Variants in RASA3 observed in about 807,000 individuals in gnomAD.
The protein encoded by RASA3 is RAS p21 protein activator 3.
A neutral mutation model predicts 110.0 loss-of-function variants in RASA3; 73 were observed. The ratio of observed to expected loss-of-function variants is 0.66; its 90% confidence interval spans 0.55 to 0.81. RASA3 has a LOEUF of 0.81. RASA3 is among the 30% of genes least tolerant of loss of function. The pLI is 0.00. For missense variants in RASA3, 976 were observed against 1,113.2 expected (o/e 0.88, Z 1.75); for synonymous variants, 500 against 451.4 (o/e 1.11, Z -1.37).
chr13:114,132,399 G>T lies in RASA3; in HGVS notation c.55+36C>A, dbSNP rs1450987580. 10 of 1,486,848 alleles carry T rather than the reference G, an allele frequency of 6.7e-6. No homozygotes were observed. The African/African-American group carries it at 1.2e-4, about 17-fold the overall frequency. The allele number at this position is 1,486,848 out of a possible 1,614,324, so 92.1% of individuals were successfully genotyped here. On this transcript the variant is annotated intron_variant, in intron 1 of 23. Coordinates refer to ENST00000334062, the MANE Select transcript of RASA3 (RefSeq NM_007368.4). ...GCGCGGGAGAGGACAGGGTCGGGCCGGGGGGTCGGACGCGTGGCTGCCGGC... is the reference window on the plus strand; with the variant it reads ...GCGCGGGAGAGGACAGGGTCGGGCCTGGGGGTCGGACGCGTGGCTGCCGGC...
chr13:114,061,320 G>A (rs1343072570), intron 2 of RASA3, among the ~76,000 whole-genome samples: 1 of 152,016 alleles, frequency 6.6e-6, no homozygotes, highest in Non-Finnish European at 1.5e-5. Flanking sequence ...TTTCCTCTTA[G>A]AACCGCAAAC....
intron 14 of RASA3, 65 bp from the exon 15 acceptor site, chr13:114,013,313 C>A: frequency 8.0e-7 from 1 of 1,249,782 alleles, no homozygotes; most frequent in Non-Finnish European, 1.1e-6. Context: ...GGACACCATG[C>A]CCCGGCCCCC....
intron 2 of RASA3, among the ~76,000 whole-genome samples, chr13:114,068,836 G>A (rs892938206): frequency 3.3e-5 from 5 of 152,204 alleles, no homozygotes; most frequent in African/African-American, 1.2e-4. Flanking sequence ...TCACTTCCTT[G>A]GAGAAGGGCC....
chr13:114,017,227 C>T lies in RASA3; in HGVS notation c.1206+10G>A. Reference sequence around the variant, plus strand: ...CTCGTGAGGCTGAGGACTCTCGGCCCCGTGCTCACCTCCTCGATGGCGGGC... The same window carrying T: ...CTCGTGAGGCTGAGGACTCTCGGCCTCGTGCTCACCTCCTCGATGGCGGGC... On this transcript the variant is annotated intron_variant, in intron 12 of 23. Transcript: ENST00000334062. 1 of 1,609,656 alleles carries T rather than the reference C, an allele frequency of 6.2e-7. No homozygotes were observed. Among genetic ancestry groups the T allele is most frequent in the African/African-American group, 1.3e-5 (1 of 74,960 alleles).
At chr13:114,032,520 C>T (rs997029138) in intron 4 of RASA3, among the ~76,000 whole-genome samples, 5 of 152,110 alleles carry the variant, frequency 3.3e-5, no homozygotes, top group Non-Finnish European at 5.9e-5. Flanking sequence ...GGGTCGTGGG[C>T]GCAGCCTGCC....
rs375632568 is a variant in RASA3 at position 114,115,248 on chromosome 13, G to C, written c.55+17187C>G. Among the ~76,000 whole-genome samples, 25 of 152,342 alleles carry C rather than the reference G, an allele frequency of 1.6e-4. No individual in the cohort carries two copies. The highest frequency in any genetic ancestry group is 6.0e-4 in the African/African-American group (25 of 41,564). ...ACATGTTTACGGTCCCTGTGCCGCC[G>C]TGCGGTAGCAGTTTTCCCGAGTGTC... On this transcript the variant is annotated intron_variant, in intron 1 of 23. Coordinates refer to ENST00000334062, the MANE Select transcript of RASA3 (RefSeq NM_007368.4). This position sits in a 1 kb window ranked among gnomAD's most constrained non-coding sequence, Gnocchi z 5.0.
rs577231065 is a variant in RASA3 at position 114,043,366 on chromosome 13, G to A, written c.278-2272C>T. Among the ~76,000 whole-genome samples the A allele has an allele frequency of 3.3e-5, 5 of 152,256 alleles. No individual in the cohort carries two copies. The South Asian group carries it at 1.0e-3, about 32-fold the overall frequency. The stretch of plus-strand genomic sequence containing the variant: ...ATGCACGTCAGCATCTTCATCTGAT[G>A]TCCTCAGGGGAGCCGGCTGCACCTC... On this transcript the variant is annotated intron_variant, in intron 3 of 23. Coordinates refer to ENST00000334062, the MANE Select transcript of RASA3 (RefSeq NM_007368.4).
At chr13:114,092,336 T>TTTTGCATAAC (rs2079898482) in intron 1 of RASA3, among the ~76,000 whole-genome samples, 1 of 152,212 alleles carries the variant, frequency 6.6e-6, no homozygotes, top group Non-Finnish European at 1.5e-5. Flanking sequence ...GCTTTTGCTG[T>TTTTGCATAAC]ATCCCATAGG....
chr13:114,038,077 TA>T (rs541898809), intron 4 of RASA3, among the ~76,000 whole-genome samples: 20,300 of 116,534 alleles, frequency 0.17, 1,668 homozygotes, highest in Middle Eastern at 0.27. Flanking sequence ...ATTAAATCAG[TA>T]AAAAAAAAAA....
At chr13:114,104,320 C>T (rs979161523) in intron 1 of RASA3, among the ~76,000 whole-genome samples, 1 of 143,254 alleles carries the variant, frequency 7.0e-6, no homozygotes. Flanking sequence ...ACCCCCGATG[C>T]GTCCACACTG....
rs1161455410 is a variant in RASA3, at chr13:114,018,269, G to C, written c.943-17C>G. On this transcript the variant is annotated splice_polypyrimidine_tract_variant and intron_variant, in intron 10 of 23. Coordinates refer to ENST00000334062, the MANE Select transcript of RASA3 (RefSeq NM_007368.4). ...TGACACGGGCTGCGGGGAGGGGTGA[G>C]GTCAGTGCCAGGGCCCGGGGTGCAG... The C allele has an allele frequency of 6.5e-7, 1 of 1,547,258 alleles. No individual in the cohort carries two copies. Among genetic ancestry groups the C allele is most frequent in the Non-Finnish European group, 8.7e-7 (1 of 1,145,670 alleles).
intron 12 of RASA3, 53 bp from the exon 13 acceptor site, chr13:114,016,324 A>C: frequency 7.3e-7 from 1 of 1,368,790 alleles, no homozygotes; most frequent in Non-Finnish European, 1.0e-6. Flanking sequence ...GGGCACAGGC[A>C]GGGAGGGTGG....
chr13:114,120,010 CCT>C (rs1409406903), intron 1 of RASA3, among the ~76,000 whole-genome samples: 7 of 53,164 alleles, frequency 1.3e-4, no homozygotes, highest in Admixed American at 3.0e-4. Flanking sequence ...CAGGGCCCCC[CCT>C]CCTCTCTCCA....
chr13:114,089,267 C>T (rs192074578), intron 1 of RASA3, among the ~76,000 whole-genome samples: 5 of 106,276 alleles, frequency 4.7e-5, no homozygotes, highest in African/African-American at 1.4e-4. Flanking sequence ...GGAGGGGAGA[C>T]GAGGGGAGAC....
intron 1 of RASA3, among the ~76,000 whole-genome samples, chr13:114,081,835 C>T (rs1340916634): frequency 1.3e-5 from 2 of 152,208 alleles, no homozygotes; most frequent in African/African-American, 2.4e-5. Flanking sequence ...CGGTGCTGCA[C>T]AGGAACCCCC....
chr13:114,063,236 A>G (rs564281995), intron 2 of RASA3, among the ~76,000 whole-genome samples: 2 of 152,154 alleles, frequency 1.3e-5, no homozygotes, highest in Admixed American at 1.3e-4. Context: ...GAAATCTGGA[A>G]TTAACATTCC....
intron 1 of RASA3, among the ~76,000 whole-genome samples, chr13:114,116,094 C>T (rs2080271679): frequency 6.6e-6 from 1 of 152,206 alleles, no homozygotes; most frequent in South Asian, 2.1e-4. Context: ...AACCCCGGGT[C>T]CCCTGTGGGC....
intron 13 of RASA3, 152 bp downstream of exon 13, chr13:114,016,045 C>T (rs574242454): frequency 3.4e-5 from 22 of 640,506 alleles, no homozygotes; most frequent in Admixed American, 1.3e-4. Context: ...GTGCAGCCAG[C>T]GTACTGCAGC....
chr13:114,034,637 C>T (rs1300965793), intron 4 of RASA3, among the ~76,000 whole-genome samples: 2 of 152,250 alleles, frequency 1.3e-5, no homozygotes, highest in Non-Finnish European at 2.9e-5. Flanking sequence ...GGCCCTTTCT[C>T]CTGCCAGAAA....
Sources: allele counts gnomAD v4.1 joint callset (sites outside exome capture counted in the v4.1 genomes callset), GRCh38; gene constraint gnomAD v4.1.1; non-coding constraint Gnocchi (gnomAD v3.1); transcripts MANE v1.5; gene names NCBI Gene and HGNC (gene_info 2026-07-23, HGNC 2026-07-21).